TUT4: variants seen among roughly 807,000 people sequenced by gnomAD.
The protein encoded by TUT4 is terminal uridylyltransferase 4.
A neutral mutation model predicts 192.2 loss-of-function variants in TUT4; 36 were observed. That is an observed-to-expected ratio of 0.19 (90% CI 0.14 to 0.25). The LOEUF (loss-of-function observed/expected upper bound fraction) is 0.25, where lower values mean the gene tolerates loss of function less well. Among genes scored for constraint, TUT4 ranks in the 10% least tolerant of loss-of-function variants. TUT4 has a pLI of 1.00. For missense variants in TUT4, 1,493 were observed against 1,957.2 expected, an observed-to-expected ratio of 0.76 and a Z score of 4.47; for synonymous variants, 618 against 666.0, an observed-to-expected ratio of 0.93 and a Z score of 1.11.
chr1:52,436,376 C>T (rs527290128), intron 26 of TUT4, among the ~76,000 whole-genome samples: 103 of 152,106 alleles, frequency 6.8e-4, no homozygotes, highest in African/African-American at 2.3e-3. Flanking sequence ...ATCCCAGCTA[C>T]TCAGGAGGCT....
rs11365992 is a variant in TUT4, at chr1:52,530,258, C to CA, written c.-93-3886dup. ...TGGGTGACAGAGTGAGACTCCATCT[C>CA]AAAAAAAAAAAAAAAAAAAAATTGC... On this transcript the variant is annotated intron_variant, in intron 1 of 29. Transcript: ENST00000257177. Among the ~76,000 whole-genome samples the CA allele has an allele frequency of 1.3e-3, 125 of 93,226 alleles. 1 individual carries two copies. Among genetic ancestry groups the CA allele is most frequent in the South Asian group, 8.4e-3 (23 of 2,732 alleles). The allele number at this position is 93,226 out of a possible 152,430, so 61.2% of individuals were successfully genotyped here. A position where few individuals can be genotyped will look rare whatever the true frequency, so the allele number is the denominator to read the frequency against.
chr1:52,456,790 T>A (rs926135959), intron 20 of TUT4, among the ~76,000 whole-genome samples: 2 of 152,180 alleles, frequency 1.3e-5, no homozygotes, highest in African/African-American at 2.4e-5. Context: ...TGATAAAATG[T>A]GTACATCATT....
At chr1:52,529,555 T>C (rs1682783791) in intron 1 of TUT4, among the ~76,000 whole-genome samples, 1 of 152,128 alleles carries the variant, frequency 6.6e-6, no homozygotes, top group South Asian at 2.1e-4. Context: ...TTTTTAATGC[T>C]AGTCTGCTAT....
intron 9 of TUT4, 41 bp from the exon 10 acceptor site, chr1:52,481,964 C>A: frequency 5.6e-6 from 8 of 1,418,712 alleles, no homozygotes; most frequent in Non-Finnish European, 7.4e-6. Context: ...ATTTAGCTTT[C>A]TTAATTTTCA....
chr1:52,465,604 C>T (rs1346201998), intron 15 of TUT4, among the ~76,000 whole-genome samples: 1 of 152,216 alleles, frequency 6.6e-6, no homozygotes, highest in African/African-American at 2.4e-5. Flanking sequence ...ATAAATCCAT[C>T]TGCTTTTATA....
In TUT4 at chr1:52,475,179, C is replaced by A. The variant is rs371047421; in HGVS notation, c.2380G>T (p.Gly794Ter). 6.2e-7 allele frequency: 1 copy of A among 1,614,014 alleles called. No individual in the cohort carries two copies. The highest frequency in any genetic ancestry group is 1.7e-5 in the Admixed American group (1 of 60,010). Reference sequence around the variant, plus strand: ...GTAGAAAGAGATGAAGAGTCCTGTCCGTGGTCAGCAAAATCTAGTTCATTT... The same window carrying A: ...GTAGAAAGAGATGAAGAGTCCTGTCAGTGGTCAGCAAAATCTAGTTCATTT... ...LVNELDFADH[G>*]QDSSSLSTSK... The change falls in exon 13 of 30, where the codon GGA (glycine) becomes TGA (stop). Residue 794 changes from glycine to a stop codon, truncating the protein, a stop_gained. Transcript: ENST00000257177. LOFTEE classifies it high-confidence loss of function.
intron 1 of TUT4, among the ~76,000 whole-genome samples, chr1:52,541,644 A>G (rs1448590674): frequency 1.3e-5 from 2 of 152,244 alleles, no homozygotes; most frequent in African/African-American, 2.4e-5. Context: ...AGAAGAAAAC[A>G]TAGGAGTAAA....
At chr1:52,446,498 T>C in intron 21 of TUT4, 56 bp from the exon 22 acceptor site, 1 of 1,555,744 alleles carries the variant, frequency 6.4e-7, no homozygotes, top group Non-Finnish European at 8.7e-7. Context: ...ATCCAAAACA[T>C]GGACAGCAAA....
intron 2 of TUT4, among the ~76,000 whole-genome samples, chr1:52,519,244 A>C (rs1679553657): frequency 1.3e-5 from 2 of 152,232 alleles, no homozygotes; most frequent in Non-Finnish European, 2.9e-5. Context: ...ACTTTGAAAA[A>C]AATATGCTAA....
chr1:52,489,042 A>G lies in TUT4; in HGVS notation c.1389-7T>C. On this transcript the variant is annotated splice_region_variant and splice_polypyrimidine_tract_variant and intron_variant, in intron 8 of 29. Transcript: ENST00000257177. ...CACTCTACAAAGTAAACCACTGTGA[A>G]TGAGAAAGAAACAAATTTCATTGTA... 6.2e-7 allele frequency: 1 copy of G among 1,604,204 alleles called. No homozygotes were observed. Among genetic ancestry groups the G allele is most frequent in the Non-Finnish European group, 8.5e-7 (1 of 1,177,224 alleles).
In TUT4 at chr1:52,423,861, C is replaced by T. The variant is rs771915997; in HGVS notation, c.*74G>A. ...GCTGAATGTAACTGACATTGAGGTA[C>T]GGATACCCTTGAGACAGCAGGATTG... On this transcript the variant is annotated 3_prime_UTR_variant, in exon 30 of 30. Transcript: ENST00000257177. 9.5e-6 allele frequency: 15 copies of T among 1,579,074 alleles called. No homozygotes were observed. The highest frequency in any genetic ancestry group is 4.6e-5 in the South Asian group (4 of 86,484).
intron 1 of TUT4, among the ~76,000 whole-genome samples, chr1:52,528,542 A>T (rs2149488597): frequency 6.6e-6 from 1 of 152,004 alleles, no homozygotes; most frequent in African/African-American, 2.4e-5. Flanking sequence ...GTTTTTTACT[A>T]TTCACTTTGC....
At chr1:52,435,333 A>G (rs1185804929) in intron 27 of TUT4, 32 bp downstream of exon 27, 10 of 1,558,514 alleles carry the variant, frequency 6.4e-6, no homozygotes, top group East Asian at 2.2e-5. Flanking sequence ...ATCATCAGTC[A>G]AGACTAACAC....
intron 16 of TUT4, chr1:52,463,368 C>T (rs1288226105): frequency 1.5e-5 from 15 of 996,244 alleles, no homozygotes; most frequent in Non-Finnish European, 1.6e-5. Context: ...AAAATACTTG[C>T]AACTTTTCAG....
chr1:52,451,475 G>A (rs1659400174), intron 20 of TUT4, among the ~76,000 whole-genome samples: 1 of 152,046 alleles, frequency 6.6e-6, no homozygotes, highest in Non-Finnish European at 1.5e-5. Context: ...ATATCTCATG[G>A]ACATTAAAAG....
At chr1:52,508,663 G>A (rs929717715) in intron 4 of TUT4, among the ~76,000 whole-genome samples, 3 of 152,142 alleles carry the variant, frequency 2.0e-5, no homozygotes, top group Non-Finnish European at 4.4e-5. Context: ...TGTTATGGGG[G>A]CACAGAGAAG....
chr1:52,463,535 T>C, intron 16 of TUT4: 1 of 1,159,834 alleles, frequency 8.6e-7, no homozygotes. Context: ...AATTCTTTTA[T>C]AATGTAACAG....
chr1:52,529,572 T>G (rs962534406), intron 1 of TUT4, among the ~76,000 whole-genome samples: 13 of 148,514 alleles, frequency 8.8e-5, no homozygotes, highest in Non-Finnish European at 1.3e-4. Flanking sequence ...CTATAACGAT[T>G]CTTTAATAAT....
At chr1:52,551,901 G>GA (rs1465374712) in intron 1 of TUT4, among the ~76,000 whole-genome samples, 2 of 152,052 alleles carry the variant, frequency 1.3e-5, no homozygotes, top group Admixed American at 6.5e-5. Context: ...AGACTGGAGG[G>GA]AAAAAATCTT....
Sources: allele counts gnomAD v4.1 joint callset (sites outside exome capture counted in the v4.1 genomes callset), GRCh38; gene constraint gnomAD v4.1.1; transcripts MANE v1.5; gene names NCBI Gene and HGNC (gene_info 2026-07-23, HGNC 2026-07-21).